The following LRP1B variants were observed in gnomAD, a reference collection of about 807,000 sequenced individuals.
LRP1B encodes the protein LDL receptor related protein 1B, also known as low-density lipoprotein receptor-related protein 1B.
A neutral mutation model predicts 556.6 loss-of-function variants in LRP1B; 217 were observed. The observed-to-expected ratio is 0.39, with a 90% CI of 0.35 to 0.44. LRP1B has a LOEUF of 0.44. Ranked by LOEUF, LRP1B falls within the 20% of genes least tolerant of loss-of-function variation. The pLI is 1.00. For synonymous variants in LRP1B, 2,047 were observed against 1,865.8 expected (o/e 1.10, Z -2.50); for missense variants, 5,053 against 5,620.8 (o/e 0.90, Z 3.23).
chr2:140,411,735 AAAT>A (rs146346355), intron 66 of LRP1B, among the ~76,000 whole-genome samples: 10,097 of 152,136 alleles, frequency 0.066, 460 homozygotes, highest in Non-Finnish European at 0.093. Flanking sequence ...ATAACAACCA[AAAT>A]AATAATATCA....
At chr2:140,327,021 A>G (rs1238509253) in intron 79 of LRP1B, among the ~76,000 whole-genome samples, 1 of 152,120 alleles carries the variant, frequency 6.6e-6, no homozygotes, top group Non-Finnish European at 1.5e-5. Context: ...TCTATAATAC[A>G]TCTTCACTGC....
At chr2:141,210,760 G>A (rs550546306) in intron 6 of LRP1B, among the ~76,000 whole-genome samples, 27 of 152,218 alleles carry the variant, frequency 1.8e-4, no homozygotes, top group African/African-American at 6.5e-4. Flanking sequence ...CAATTTGGAA[G>A]GGAATATGTT....
chr2:141,241,189 G>A (rs575754690), intron 5 of LRP1B, among the ~76,000 whole-genome samples: 1 of 152,180 alleles, frequency 6.6e-6, no homozygotes, highest in East Asian at 1.9e-4. Flanking sequence ...CATGAAATGT[G>A]ATTTCTAACT....
intron 33 of LRP1B, among the ~76,000 whole-genome samples, chr2:140,775,467 ATTTTTTTTTT>A (rs61535948): frequency 9.0e-6 from 1 of 111,188 alleles, no homozygotes; most frequent in Non-Finnish European, 1.7e-5. Flanking sequence ...TTTTTGGTTG[ATTTTTTTTTT>A]TTTTTTTTTT....
Position 141,015,686 on chromosome 2 carries a change from T to C in LRP1B, c.2190+10A>G. ...CCTGTGGGTTAAAAACAGCAGCATT[T>C]GTCTTTTACCTTCCTGTGAGTCCCA... On this transcript the variant is annotated intron_variant, in intron 13 of 90. Coordinates refer to ENST00000389484, the MANE Select transcript of LRP1B (RefSeq NM_018557.3). The C allele has an allele frequency of 6.3e-7, 1 of 1,599,382 alleles. No individual in the cohort carries two copies. The highest frequency in any genetic ancestry group is 8.6e-7 in the Non-Finnish European group (1 of 1,167,658).
intron 59 of LRP1B, among the ~76,000 whole-genome samples, chr2:140,482,692 ACT>A (rs1403640153): frequency 1.2e-4 from 19 of 152,192 alleles, no homozygotes; most frequent in Middle Eastern, 3.4e-3. Context: ...TAATTGACAT[ACT>A]GTTATTAAAA....
chr2:141,767,325 A>G (rs1694761512), intron 2 of LRP1B, among the ~76,000 whole-genome samples: 1 of 152,126 alleles, frequency 6.6e-6, no homozygotes, highest in African/African-American at 2.4e-5. Flanking sequence ...GAGATAGCTT[A>G]CATAAGCACT....
At chr2:140,825,527 C>A (rs1479891404) in intron 31 of LRP1B, among the ~76,000 whole-genome samples, 1 of 152,008 alleles carries the variant, frequency 6.6e-6, no homozygotes, top group Admixed American at 6.6e-5. Context: ...TTCTTCCCAT[C>A]GGGATGTAAA....
intron 2 of LRP1B, among the ~76,000 whole-genome samples, chr2:141,761,674 G>A (rs946522800): frequency 1.3e-5 from 2 of 152,090 alleles, no homozygotes; most frequent in African/African-American, 4.8e-5. Context: ...CTTGGAATCT[G>A]ACTGAATGCA....
chr2:141,316,857 C>T (rs888858953), intron 3 of LRP1B, among the ~76,000 whole-genome samples: 5 of 152,166 alleles, frequency 3.3e-5, no homozygotes, highest in African/African-American at 1.2e-4. Flanking sequence ...CATTGCATTC[C>T]TAGGAAAACA....
rs559706377 is a variant in LRP1B at position 140,667,779 on chromosome 2, G to C, written c.6799+32471C>G. On this transcript the variant is annotated intron_variant, in intron 41 of 90. Coordinates refer to ENST00000389484, the MANE Select transcript of LRP1B (RefSeq NM_018557.3). Reference sequence around the variant, plus strand: ...ATTCTCTCAGAATATACGCTTTTTTGCTCTGTAAGACATTAATTACATTCT... The same window carrying C: ...ATTCTCTCAGAATATACGCTTTTTTCCTCTGTAAGACATTAATTACATTCT... 7.0e-4 allele frequency among the ~76,000 whole-genome samples: 107 copies of C among 152,034 alleles called. 1 individual carries two copies. The highest frequency in any genetic ancestry group is 3.4e-3 in the Middle Eastern group (1 of 294).
At chr2:141,541,032 C>T (rs1444265210) in intron 2 of LRP1B, among the ~76,000 whole-genome samples, 1 of 151,862 alleles carries the variant, frequency 6.6e-6, no homozygotes, top group Non-Finnish European at 1.5e-5. Context: ...TTTCATATTC[C>T]AAAAGATATC....
intron 1 of LRP1B, among the ~76,000 whole-genome samples, chr2:141,815,752 T>C (rs1334413061): frequency 6.6e-6 from 1 of 152,128 alleles, no homozygotes; most frequent in Non-Finnish European, 1.5e-5. Flanking sequence ...CGTTCCACGC[T>C]GTGGAAGCTT....
At chr2:142,044,262 T>C (rs768703497) in intron 1 of LRP1B, among the ~76,000 whole-genome samples, 11 of 151,758 alleles carry the variant, frequency 7.2e-5, no homozygotes, top group Non-Finnish European at 1.6e-4. Context: ...TGGGTGAATT[T>C]CTACTTGGAA....
At chr2:141,492,385 A>AAAAG (rs1559102953) in intron 2 of LRP1B, among the ~76,000 whole-genome samples, 38 of 152,172 alleles carry the variant, frequency 2.5e-4, no homozygotes, top group African/African-American at 7.2e-4. Context: ...AAAACAAAAA[A>AAAAG]TATCTTTCTG....
chr2:141,513,705 C>A (rs993934161), intron 2 of LRP1B, among the ~76,000 whole-genome samples: 1 of 148,106 alleles, frequency 6.8e-6, no homozygotes, highest in Non-Finnish European at 1.5e-5. Context: ...TTTTAAAGGA[C>A]AAACTTAAAG....
At position 140,291,320 on chromosome 2, in the gene LRP1B, T is replaced by TATATATATATATATATATATATATATATA. The variant is rs745524571; in HGVS notation, c.12967+6487_12967+6488insTATATATATATATATATATATATATATAT. Among the ~76,000 whole-genome samples the TATATATATATATATATATATATATATATA allele has an allele frequency of 9.4e-3, 479 of 51,138 alleles. 95 individuals carry two copies. Among genetic ancestry groups the TATATATATATATATATATATATATATATA allele is most frequent in the Non-Finnish European group, 0.014 (348 of 25,420 alleles). The allele number at this position is 51,138 out of a possible 152,430, so 33.5% of individuals were successfully genotyped here. On this transcript the variant is annotated intron_variant, in intron 84 of 90. Coordinates refer to ENST00000389484, the MANE Select transcript of LRP1B (RefSeq NM_018557.3). The stretch of plus-strand genomic sequence containing the variant: ...ATTTTATATATATATATATATATAT[T>TATATATATATATATATATATATATATATA]TTTATTATACTTTAAGTTCTAGGGT...
At chr2:141,618,540 C>G (rs1255894314) in intron 2 of LRP1B, among the ~76,000 whole-genome samples, 1 of 152,122 alleles carries the variant, frequency 6.6e-6, no homozygotes, top group Non-Finnish European at 1.5e-5. Context: ...AAAATAAAAA[C>G]TAAGTGCCAT....
chr2:141,190,459 T>C (rs1188969988), intron 6 of LRP1B, among the ~76,000 whole-genome samples: 9 of 152,086 alleles, frequency 5.9e-5, no homozygotes, highest in Admixed American at 2.0e-4. Context: ...TACACTGAAA[T>C]TGCATGTTAA....
Sources: allele counts gnomAD v4.1 joint callset (sites outside exome capture counted in the v4.1 genomes callset), GRCh38; gene constraint gnomAD v4.1.1; transcripts MANE v1.5; gene names NCBI Gene and HGNC (gene_info 2026-07-23, HGNC 2026-07-21).